The following SLC41A2 variants were observed in gnomAD, a reference collection of about 807,000 sequenced individuals.
The protein encoded by SLC41A2 is SLC41A1-like 1.
Under a neutral mutation model 58.3 loss-of-function variants are expected in SLC41A2, and 32 were observed. The ratio of observed to expected loss-of-function variants is 0.55; its 90% CI spans 0.41 to 0.74. The LOEUF (loss-of-function observed/expected upper bound fraction) is 0.74, where lower values mean the gene tolerates loss of function less well. SLC41A2 is among the 30% of genes least tolerant of loss of function. The probability of loss-of-function intolerance (pLI) is 0.00; values close to 1 mark genes in which losing one functional copy is unlikely to be tolerated. For synonymous variants in SLC41A2, 190 were observed against 235.0 expected (o/e 0.81, Z 1.75); for missense variants, 514 against 680.6 (o/e 0.76, Z 2.72).
intron 3 of SLC41A2, among the ~76,000 whole-genome samples, chr12:104,905,805 G>T (rs1037209780): frequency 6.6e-6 from 1 of 152,256 alleles, no homozygotes; most frequent in Non-Finnish European, 1.5e-5. Flanking sequence ...TGGCTGCTCC[G>T]AGTGCGGGGC....
intron 7 of SLC41A2, among the ~76,000 whole-genome samples, chr12:104,865,931 C>G (rs2043422325): frequency 6.6e-6 from 1 of 152,008 alleles, no homozygotes; most frequent in African/African-American, 2.4e-5. Flanking sequence ...ATTAAAAACT[C>G]TGGGGTGATG....
At chr12:104,927,812 C>A (rs1454783643) in intron 2 of SLC41A2, among the ~76,000 whole-genome samples, 161 bp downstream of exon 2, 1 of 151,964 alleles carries the variant, frequency 6.6e-6, no homozygotes, top group Non-Finnish European at 1.5e-5. Context: ...AAACTCCCAC[C>A]TAGAAATAGA....
chr12:104,953,886 G>A (rs567942715), intron 1 of SLC41A2, among the ~76,000 whole-genome samples: 4 of 152,160 alleles, frequency 2.6e-5, no homozygotes, highest in Non-Finnish European at 5.9e-5. Flanking sequence ...TAGGAGAACA[G>A]TTAGCATGGA....
At chr12:104,880,643 G>T (rs1303426064) in intron 6 of SLC41A2, among the ~76,000 whole-genome samples, 1 of 152,188 alleles carries the variant, frequency 6.6e-6, no homozygotes, top group Non-Finnish European at 1.5e-5. Context: ...TGTTGAACCA[G>T]CCTTGCATCT....
chr12:104,921,269 C>G (rs1311095346), intron 2 of SLC41A2, among the ~76,000 whole-genome samples: 1 of 151,716 alleles, frequency 6.6e-6, no homozygotes, highest in Non-Finnish European at 1.5e-5. Flanking sequence ...TATAAATATC[C>G]AGATACAATA....
intron 10 of SLC41A2, among the ~76,000 whole-genome samples, chr12:104,831,973 T>A (rs1409974979): frequency 2.0e-5 from 3 of 152,184 alleles, no homozygotes; most frequent in Admixed American, 6.5e-5. Flanking sequence ...ACTTCAGTGA[T>A]GAATAAAACA....
rs76231212 is a variant in SLC41A2, at chr12:104,814,577, C to T, written c.1537-9240G>A. Among the ~76,000 whole-genome samples the T allele has an allele frequency of 5.8e-3, 886 of 152,110 alleles. 14 individuals are homozygous for T. Among genetic ancestry groups the T allele is most frequent in the African/African-American group, 0.02 (832 of 41,502 alleles). ...GTTTGCTATTGAAGAAGCTCTATCA[C>T]TGAATAACTGTTACTGTCTACAAGT... On this transcript the variant is annotated intron_variant, in intron 10 of 10. Coordinates refer to ENST00000258538, the MANE Select transcript of SLC41A2 (RefSeq NM_001352171.3).
At chr12:104,957,262 G>A (rs542917050) in intron 1 of SLC41A2, among the ~76,000 whole-genome samples, 1 of 152,236 alleles carries the variant, frequency 6.6e-6, no homozygotes, top group Admixed American at 6.5e-5. Flanking sequence ...TATGTCTTTC[G>A]ACGCCAGACA....
intron 10 of SLC41A2, among the ~76,000 whole-genome samples, chr12:104,815,783 T>C (rs1566098362): frequency 6.6e-6 from 1 of 151,938 alleles, no homozygotes; most frequent in Non-Finnish European, 1.5e-5. Context: ...CTAATATAAA[T>C]CTAATAAATA....
At chr12:104,923,790 C>G (rs536881213) in intron 2 of SLC41A2, among the ~76,000 whole-genome samples, 14 of 152,244 alleles carry the variant, frequency 9.2e-5, no homozygotes, top group Non-Finnish European at 1.6e-4. Context: ...AAACCAGTAA[C>G]CAAACATAAG....
At chr12:104,947,194 CCTTTTTTT>C (rs1353244621) in intron 1 of SLC41A2, among the ~76,000 whole-genome samples, 29 of 53,686 alleles carry the variant, frequency 5.4e-4, no homozygotes, top group African/African-American at 2.1e-3. Context: ...TTATTTTTGT[CCTTTTTTT>C]TTTTTTTTTT....
intron 6 of SLC41A2, among the ~76,000 whole-genome samples, chr12:104,884,636 T>C (rs1403030304): frequency 1.3e-5 from 2 of 152,218 alleles, no homozygotes; most frequent in African/African-American, 2.4e-5. Flanking sequence ...ACCCCTCTTT[T>C]CTTCTCTCTT....
At chr12:104,815,519 C>T (rs1291676893) in intron 10 of SLC41A2, among the ~76,000 whole-genome samples, 1 of 152,118 alleles carries the variant, frequency 6.6e-6, no homozygotes, top group East Asian at 1.9e-4. Flanking sequence ...CTTCTTTGAG[C>T]TAGAATCAAC....
At chr12:104,872,506 G>A (rs968458198) in intron 6 of SLC41A2, among the ~76,000 whole-genome samples, 4 of 152,158 alleles carry the variant, frequency 2.6e-5, no homozygotes, top group Admixed American at 1.3e-4. Context: ...GGCCGACACG[G>A]GTGGATCACT....
At chr12:104,939,592 T>TCA (rs2047418846) in intron 1 of SLC41A2, among the ~76,000 whole-genome samples, 1 of 152,232 alleles carries the variant, frequency 6.6e-6, no homozygotes, top group African/African-American at 2.4e-5. Flanking sequence ...AAACTCTGCC[T>TCA]ATCGTACTGA....
intron 10 of SLC41A2, among the ~76,000 whole-genome samples, chr12:104,813,260 AG>A (rs2041252249): frequency 6.6e-6 from 1 of 152,184 alleles, no homozygotes; most frequent in African/African-American, 2.4e-5. Flanking sequence ...GATCTCCAGA[AG>A]AAAATTAAAA....
intron 10 of SLC41A2, among the ~76,000 whole-genome samples, chr12:104,820,767 G>A (rs532411011): frequency 2.6e-5 from 4 of 152,042 alleles, no homozygotes; most frequent in South Asian, 2.1e-4. Flanking sequence ...TCAGCCTTCC[G>A]AAGTAGGTAG....
chr12:104,900,279 A>C (rs770388173), intron 3 of SLC41A2, among the ~76,000 whole-genome samples: 4 of 152,184 alleles, frequency 2.6e-5, no homozygotes, highest in Non-Finnish European at 5.9e-5. Context: ...TAATCTCTGG[A>C]GGCTTCATCC....
chr12:104,888,589 C>A (rs933117408), intron 5 of SLC41A2, among the ~76,000 whole-genome samples: 18 of 152,054 alleles, frequency 1.2e-4, no homozygotes, highest in African/African-American at 3.6e-4. Flanking sequence ...TGTATTGCCA[C>A]AGAAACAGGG....
Sources: allele counts gnomAD v4.1 joint callset (sites outside exome capture counted in the v4.1 genomes callset), GRCh38; gene constraint gnomAD v4.1.1; transcripts MANE v1.5; gene names NCBI Gene and HGNC (gene_info 2026-07-23, HGNC 2026-07-21).